Variants in DNAH17 observed in about 807,000 individuals in gnomAD.
The protein encoded by DNAH17 is axonemal beta dynein heavy chain 17.
A neutral mutation model predicts 485.6 loss-of-function variants in DNAH17; 376 were observed. That is an observed-to-expected ratio of 0.77 (90% CI 0.71 to 0.84). The LOEUF (loss-of-function observed/expected upper bound fraction) is 0.84, where lower values mean the gene tolerates loss of function less well. Ranked by LOEUF, DNAH17 falls within the 40% of genes least tolerant of loss-of-function variation. DNAH17 has a pLI of 0.00. For synonymous variants in DNAH17, 3,031 were observed against 2,405.9 expected (o/e 1.26, Z -7.60); for missense variants, 6,370 against 5,839.3 (o/e 1.09, Z -2.96).
chr17:78,544,475 GGCTCCCCT>G (rs1416600748), intron 16 of DNAH17, among the ~76,000 whole-genome samples: 2 of 152,138 alleles, frequency 1.3e-5, no homozygotes, highest in African/African-American at 4.8e-5. Context: ...TCAGGACCCT[GGCTCCCCT>G]GCAAGTGGGA....
chr17:78,561,404 G>A (rs2092150964), intron 12 of DNAH17, among the ~76,000 whole-genome samples: 2 of 152,000 alleles, frequency 1.3e-5, no homozygotes, highest in African/African-American at 2.4e-5. Flanking sequence ...CAGGAGACTT[G>A]GCCAAGTGCA....
Position 78,490,919 on chromosome 17 carries a change from G to T in DNAH17, c.6670-72C>A, listed in dbSNP as rs1337544672. On this transcript the variant is annotated intron_variant, in intron 43 of 80. Coordinates refer to ENST00000389840, the MANE Select transcript of DNAH17 (RefSeq NM_173628.4). ...ATCCCAATGGTGTTCTGGGGTGGGGGTTACTCGGAGCAAACCTCCGAGCAA... is the reference window on the plus strand; with the variant it reads ...ATCCCAATGGTGTTCTGGGGTGGGGTTTACTCGGAGCAAACCTCCGAGCAA... 1.8e-5 allele frequency: 26 copies of T among 1,471,750 alleles called. No individual in the cohort carries two copies. The East Asian group carries it at 2.7e-4, about 15-fold the overall frequency. 91.2% of individuals were successfully genotyped at this position (1,471,750 alleles called of 1,614,324 possible). A position where few individuals can be genotyped will look rare whatever the true frequency, so the allele number is the denominator to read the frequency against.
intron 2 of DNAH17, among the ~76,000 whole-genome samples, chr17:78,574,285 T>C (rs1011122924): frequency 6.6e-6 from 1 of 151,328 alleles, no homozygotes; most frequent in African/African-American, 2.4e-5. Flanking sequence ...AGCCCAGGAG[T>C]CTTGAGACCA....
chr17:78,500,735 C>CT (rs2090256187), intron 35 of DNAH17: 1 of 250,502 alleles, frequency 4.0e-6, no homozygotes. Context: ...TCTCGAACTC[C>CT]TGACGTCAGG....
At chr17:78,432,562 G>A (rs576712082) in intron 75 of DNAH17, among the ~76,000 whole-genome samples, 4 of 152,346 alleles carry the variant, frequency 2.6e-5, no homozygotes, top group African/African-American at 4.8e-5. Context: ...CGCCAGCAGC[G>A]ATCCTGGGAG....
At position 78,461,666 on chromosome 17, in the gene DNAH17, G is replaced by T; in HGVS notation, c.9217C>A (p.Leu3073Ile). 6.8e-6 allele frequency: 11 copies of T among 1,611,686 alleles called. No homozygotes were observed. The highest frequency in any genetic ancestry group is 9.3e-6 in the Non-Finnish European group (11 of 1,179,228). ...TCTGCGCTCTCATTCTTCTGCTTGA[G>T]CTCAGCCTCCTGAATCGCCAACTTG... ...KAKLAIQEAE[L>I]KQKNESADQL... The change falls in exon 58 of 81, where the codon CTC becomes ATC. Residue 3073 changes from leucine to isoleucine, a missense_variant. Transcript: ENST00000389840.
intron 14 of DNAH17, among the ~76,000 whole-genome samples, chr17:78,556,038 C>T (rs776938508): frequency 2.6e-5 from 4 of 152,186 alleles, no homozygotes; most frequent in African/African-American, 4.8e-5. Flanking sequence ...TCTGTAATTG[C>T]GTGAGGCAAT....
At chr17:78,462,051 G>T (rs1321024194) in intron 57 of DNAH17, among the ~76,000 whole-genome samples, 1 of 151,956 alleles carries the variant, frequency 6.6e-6, no homozygotes, top group Non-Finnish European at 1.5e-5. Context: ...CTGTGCCCAT[G>T]GTCCCAGCTA....
intron 76 of DNAH17, among the ~76,000 whole-genome samples, chr17:78,428,920 T>TC (rs2086576072): frequency 1.1e-5 from 1 of 89,378 alleles, no homozygotes. Flanking sequence ...TGCATTTCTT[T>TC]CTTTAAAAAA....
rs760152539 is a variant in DNAH17, at chr17:78,532,596, C to T, written c.3000G>A (p.Glu1000=). ...YSYLWTDNLQ[E]FMKNFLIYGC... Reference sequence around the variant, plus strand: ...CATATATCAGGAAATTCTTCATAAACTCCTGCAGGTTGTCCGTCCAGAGGT... The same window carrying T: ...CATATATCAGGAAATTCTTCATAAATTCCTGCAGGTTGTCCGTCCAGAGGT... The change falls in exon 20 of 81, where the codon GAG becomes GAA. Residue 1000 remains glutamate, a synonymous_variant. Transcript: ENST00000389840. 6.2e-7 allele frequency: 1 copy of T among 1,608,450 alleles called. No individual in the cohort carries two copies. Among genetic ancestry groups the T allele is most frequent in the Non-Finnish European group, 8.5e-7 (1 of 1,177,322 alleles).
chr17:78,540,650 C>T (rs12051654), intron 17 of DNAH17, among the ~76,000 whole-genome samples: 42,648 of 58,628 alleles, frequency 0.73, 16,058 homozygotes, highest in African/African-American at 0.74. Flanking sequence ...GATGGATGAA[C>T]GGGGTGGGTA....
At position 78,500,338 on chromosome 17, in the gene DNAH17, G is replaced by A. The variant is rs778734878; in HGVS notation, c.5607C>T (p.Tyr1869=). ...CCATCTGCTCGGAGCAGTTGAAGAC[G>A]TAGACCATGGTGCCCAGGGCTCTGC... is the stretch of plus-strand genomic sequence containing the variant. ...DLGRALGTMV[Y]VFNCSEQMDY... is the part of the protein sequence containing the mutation. Residue 1869 remains tyrosine (Y), a synonymous_variant, in exon 36 of 81, where the codon TAC becomes TAT. Coordinates refer to ENST00000389840, the MANE Select transcript of DNAH17 (RefSeq NM_173628.4). 5.6e-5 allele frequency: 90 copies of A among 1,612,598 alleles called. No individual in the cohort carries two copies. Among genetic ancestry groups the A allele is most frequent in the East Asian group, 8.9e-5 (4 of 44,812 alleles).
In DNAH17 at chr17:78,501,610, G is replaced by A. The variant is rs149312695; in HGVS notation, c.5322+132C>T. 2,001 of 1,334,020 alleles carry A rather than the reference G, an allele frequency of 1.5e-3. 3 individuals carry two copies. Among genetic ancestry groups the A allele is most frequent in the Admixed American group, 3.0e-3 (144 of 47,214 alleles). The allele number at this position is 1,334,020 out of a possible 1,614,324, so 82.6% of individuals were successfully genotyped here. On this transcript the variant is annotated intron_variant, in intron 34 of 80. Transcript: ENST00000389840. ...TGAGTCCGGGCAAGGAGGTTAGGAG[G>A]CAGCTGCAGCCAGCAACAGAGTCAG...
chr17:78,561,635 G>A lies in DNAH17; in HGVS notation c.1835+80C>T, dbSNP rs1344290352. ...TCTGGTCGACAGGAGGGGTGGTCCCGCTCGGGGTTGGGACAGTCCCTCTCG... is the reference window on the plus strand; with the variant it reads ...TCTGGTCGACAGGAGGGGTGGTCCCACTCGGGGTTGGGACAGTCCCTCTCG... On this transcript the variant is annotated intron_variant, in intron 12 of 80. Coordinates refer to ENST00000389840, the MANE Select transcript of DNAH17 (RefSeq NM_173628.4). The A allele has an allele frequency of 1.2e-5, 18 of 1,452,570 alleles. No individual in the cohort carries two copies. In the East Asian group the frequency reaches 1.7e-4, roughly 14 times the overall value. The allele number at this position is 1,452,570 out of a possible 1,614,324, so 90.0% of individuals were successfully genotyped here.
rs142792238 is a variant in DNAH17 at position 78,430,749 on chromosome 17, A to C, written c.12226-1449T>G. ...GTGCACACCACCATAGCCAGCTAAT[A>C]TTTTGGATTTTTAGTAGAGATGAGA... On this transcript the variant is annotated intron_variant, in intron 75 of 80. Transcript: ENST00000389840. 4.8e-3 allele frequency among the ~76,000 whole-genome samples: 724 copies of C among 151,848 alleles called. 8 individuals are homozygous for C. The highest frequency in any genetic ancestry group is 0.016 in the African/African-American group (677 of 41,374).
At chr17:78,479,458 G>C (rs1244241047) in intron 50 of DNAH17, 27 bp downstream of exon 50, 1 of 1,587,088 alleles carries the variant, frequency 6.3e-7, no homozygotes, top group East Asian at 2.2e-5. Context: ...TTACCGATGG[G>C]AGAGGGGATG....
intron 16 of DNAH17, among the ~76,000 whole-genome samples, chr17:78,548,973 T>C (rs773689834): frequency 1.3e-5 from 2 of 152,254 alleles, no homozygotes; most frequent in Non-Finnish European, 2.9e-5. Flanking sequence ...AGCTTCAGAA[T>C]GGACGTGATG....
intron 22 of DNAH17, 61 bp from the exon 23 acceptor site, chr17:78,527,057 G>A (rs2091098057): frequency 2.9e-6 from 4 of 1,382,720 alleles, no homozygotes; most frequent in Non-Finnish European, 3.9e-6. Context: ...ACCTTCTATT[G>A]TGAAATAATT....
At position 78,434,228 on chromosome 17, in the gene DNAH17, G is replaced by C; in HGVS notation, c.12034-8C>G. Reference sequence around the variant, plus strand: ...GCACATCTCCAGGGTGTCCTGTGGGGCACACGCTCCGGTCAGGTATTAGGG... The same window carrying C: ...GCACATCTCCAGGGTGTCCTGTGGGCCACACGCTCCGGTCAGGTATTAGGG... On this transcript the variant is annotated splice_region_variant and splice_polypyrimidine_tract_variant and intron_variant, in intron 74 of 80. Coordinates refer to ENST00000389840, the MANE Select transcript of DNAH17 (RefSeq NM_173628.4). The C allele has an allele frequency of 6.3e-7, 1 of 1,598,472 alleles. No homozygotes were observed. The highest frequency in any genetic ancestry group is 1.1e-5 in the South Asian group (1 of 90,346).
Sources: allele counts gnomAD v4.1 joint callset (sites outside exome capture counted in the v4.1 genomes callset), GRCh38; gene constraint gnomAD v4.1.1; transcripts MANE v1.5; gene names NCBI Gene and HGNC (gene_info 2026-07-23, HGNC 2026-07-21).